Variants in WWP2 observed in about 807,000 individuals in gnomAD.
WWP2 encodes WW domain containing E3 ubiquitin protein ligase 2.
WWP2 carries 57 observed loss-of-function variants against 121.0 expected under a neutral mutation model. The observed-to-expected ratio is 0.47, with a 90% CI of 0.38 to 0.59. WWP2 has a LOEUF of 0.59. Ranked by LOEUF, WWP2 falls within the 20% of genes least tolerant of loss-of-function variation. The pLI is 0.00. For synonymous variants in WWP2, 449 were observed against 441.3 expected (o/e 1.02, Z -0.22); for missense variants, 962 against 1,158.9 (o/e 0.83, Z 2.47).
At chr16:69,838,506 C>T (rs1202906047) in intron 4 of WWP2, among the ~76,000 whole-genome samples, 2 of 150,686 alleles carry the variant, frequency 1.3e-5, no homozygotes, top group Admixed American at 6.6e-5. Flanking sequence ...TTTCAGGGGG[C>T]TAGATTTGGC....
intron 2 of WWP2, among the ~76,000 whole-genome samples, chr16:69,789,542 A>C (rs891005789): frequency 2.0e-5 from 3 of 152,080 alleles, no homozygotes; most frequent in Non-Finnish European, 2.9e-5. Flanking sequence ...ATAGTTCAAA[A>C]TTCTTTCCTG....
intron 7 of WWP2, among the ~76,000 whole-genome samples, chr16:69,881,181 C>T (rs1028665158): frequency 3.9e-5 from 6 of 152,144 alleles, no homozygotes; most frequent in Non-Finnish European, 8.8e-5. Context: ...CCCACTTTCC[C>T]GGTCCTTGAT....
At chr16:69,844,562 G>A in intron 6 of WWP2, among the ~76,000 whole-genome samples, 1 of 152,164 alleles carries the variant, frequency 6.6e-6, no homozygotes, top group African/African-American at 2.4e-5. Flanking sequence ...AATTCCTCTA[G>A]TTGATCGACC....
At chr16:69,849,488 TTCATTC>T (rs2057160331) in intron 6 of WWP2, among the ~76,000 whole-genome samples, 8 of 152,070 alleles carry the variant, frequency 5.3e-5, no homozygotes, top group African/African-American at 1.7e-4. Flanking sequence ...TATTTATTCA[TTCATTC>T]ATTCATTCAT....
At chr16:69,849,685 T>G (rs1256445824) in intron 6 of WWP2, among the ~76,000 whole-genome samples, 1 of 152,112 alleles carries the variant, frequency 6.6e-6, no homozygotes, top group African/African-American at 2.4e-5. Flanking sequence ...GCTGTATGCC[T>G]GAGTCCCAGC....
At chr16:69,886,737 G>T (rs552727021) in intron 7 of WWP2, among the ~76,000 whole-genome samples, 1 of 152,196 alleles carries the variant, frequency 6.6e-6, no homozygotes, top group South Asian at 2.1e-4. Context: ...TCCAGCTTGG[G>T]TGACGGAGCG....
intron 4 of WWP2, among the ~76,000 whole-genome samples, chr16:69,827,571 A>G (rs964384277): frequency 6.6e-6 from 1 of 152,242 alleles, no homozygotes; most frequent in Non-Finnish European, 1.5e-5. Flanking sequence ...TAACCTTAAA[A>G]AATAATTTTC....
At chr16:69,768,200 C>G (rs2038774261) in intron 1 of WWP2, among the ~76,000 whole-genome samples, 1 of 152,166 alleles carries the variant, frequency 6.6e-6, no homozygotes, top group African/African-American at 2.4e-5. Context: ...GATGATGGGA[C>G]AGGTTAGATT....
At chr16:69,795,161 G>C (rs1400997842) in intron 2 of WWP2, among the ~76,000 whole-genome samples, 1 of 152,040 alleles carries the variant, frequency 6.6e-6, no homozygotes, top group Middle Eastern at 3.2e-3. Flanking sequence ...GCTTCAGCCA[G>C]GTAGGTCGAG....
intron 6 of WWP2, among the ~76,000 whole-genome samples, chr16:69,855,371 T>C (rs915965282): frequency 1.3e-5 from 2 of 152,190 alleles, no homozygotes; most frequent in African/African-American, 4.8e-5. Flanking sequence ...TCTGCTGCAA[T>C]GACAGTCACC....
intron 4 of WWP2, among the ~76,000 whole-genome samples, chr16:69,832,388 T>C (rs1244214634): frequency 6.6e-6 from 1 of 152,148 alleles, no homozygotes; most frequent in Non-Finnish European, 1.5e-5. Flanking sequence ...TATTTTAGTG[T>C]ATTTCTCTAA....
chr16:69,770,685 A>G (rs192047214), intron 1 of WWP2, among the ~76,000 whole-genome samples: 2 of 152,296 alleles, frequency 1.3e-5, no homozygotes, highest in African/African-American at 4.8e-5. Context: ...GTCGCAAGTC[A>G]GGGGCAGTCT....
chr16:69,908,878 ACT>A (rs769370605), intron 9 of WWP2, 28 bp downstream of exon 9: 9 of 1,613,794 alleles, frequency 5.6e-6, no homozygotes, highest in Non-Finnish European at 7.6e-6. Flanking sequence ...AAGACCTGAG[ACT>A]CTGGAACTGA....
chr16:69,878,909 G>C (rs982904418), intron 7 of WWP2, among the ~76,000 whole-genome samples: 12 of 152,114 alleles, frequency 7.9e-5, no homozygotes, highest in Non-Finnish European at 1.5e-4. Context: ...CTTTCTAAGA[G>C]GATCAATCAT....
At chr16:69,811,233 G>A (rs887447269) in intron 4 of WWP2, among the ~76,000 whole-genome samples, 1 of 152,056 alleles carries the variant, frequency 6.6e-6, no homozygotes, top group African/African-American at 2.4e-5. Context: ...TGCAGACTTT[G>A]GCTTTCCCAG....
intron 6 of WWP2, among the ~76,000 whole-genome samples, chr16:69,854,541 C>CTTT (rs145289296): frequency 8.1e-5 from 12 of 147,286 alleles, no homozygotes; most frequent in East Asian, 4.0e-4. Flanking sequence ...GTAGGCTTTT[C>CTTT]TTTTTTTTTT....
At chr16:69,919,859 C>T (rs1368838459) in intron 10 of WWP2, among the ~76,000 whole-genome samples, 1 of 146,728 alleles carries the variant, frequency 6.8e-6, no homozygotes, top group African/African-American at 2.5e-5. Context: ...GTGGCATGAT[C>T]ATGGCTTATT....
At chr16:69,796,861 G>T (rs1235716505) in intron 2 of WWP2, among the ~76,000 whole-genome samples, 1 of 152,144 alleles carries the variant, frequency 6.6e-6, no homozygotes, top group South Asian at 2.1e-4. Flanking sequence ...TGTTCCTTTG[G>T]GGCCAGAGGA....
chr16:69,790,854 G>A (rs1372925731), intron 2 of WWP2, among the ~76,000 whole-genome samples: 1 of 152,164 alleles, frequency 6.6e-6, no homozygotes, highest in Non-Finnish European at 1.5e-5. Flanking sequence ...GGGATTACAG[G>A]TGTGAACTAC....
Sources: gnomAD v4.1 joint callset for allele counts (sites outside exome capture counted in the v4.1 genomes callset) on GRCh38, gnomAD v4.1.1 for gene constraint, MANE v1.5 for transcripts, NCBI Gene and HGNC (gene_info 2026-07-23, HGNC 2026-07-21) for gene names.